Variants in ARHGAP35 observed in about 807,000 individuals in gnomAD.
ARHGAP35 encodes the protein rho GTPase-activating protein 35.
In ARHGAP35, 15 loss-of-function variants were observed where a neutral mutation model predicts 111.1. That is an observed-to-expected ratio of 0.13 (90% CI 0.09 to 0.21). ARHGAP35 has a LOEUF of 0.21. Among genes scored for constraint, ARHGAP35 ranks in the 10% least tolerant of loss-of-function variants. ARHGAP35 has a pLI of 1.00. For missense variants in ARHGAP35, 1,262 were observed against 1,873.0 expected, an observed-to-expected ratio of 0.67 and a Z score of 6.02; for synonymous variants, 643 against 710.3, an observed-to-expected ratio of 0.91 and a Z score of 1.51.
intron 3 of ARHGAP35, among the ~76,000 whole-genome samples, chr19:46,951,386 AC>A (rs2056412209): frequency 6.6e-6 from 1 of 152,078 alleles, no homozygotes; most frequent in Non-Finnish European, 1.5e-5. Context: ...CCAACTGAGT[AC>A]TTTTGAGGCA....
intron 3 of ARHGAP35, among the ~76,000 whole-genome samples, chr19:46,965,158 C>G (rs1178120481): frequency 6.6e-6 from 1 of 152,036 alleles, no homozygotes; most frequent in African/African-American, 2.4e-5. Context: ...ACTAAAAATA[C>G]AAAAATTAGC....
rs1284744816 is a variant in ARHGAP35, at chr19:46,922,059, C to T, written c.3384C>T (p.Asn1128=). ...GGAATATCAACAAAGCCCAGTCCAACGGCAGCGGGAATGGTTCTGACAGTG... is the reference window on the plus strand; with the variant it reads ...GGAATATCAACAAAGCCCAGTCCAATGGCAGCGGGAATGGTTCTGACAGTG... ...TIRNINKAQS[N]GSGNGSDSEM... is the part of the protein sequence containing the mutation. The change falls in exon 2 of 7, where the codon AAC becomes AAT. Residue 1128 remains asparagine, a synonymous_variant. Transcript: ENST00000672722. This position sits in a 1 kb window ranked among gnomAD's most constrained non-coding sequence, Gnocchi z 4.0. 11 of 1,614,042 alleles carry T rather than the reference C, an allele frequency of 6.8e-6. No homozygotes were observed. Among genetic ancestry groups the T allele is most frequent in the East Asian group, 2.2e-5 (1 of 44,886 alleles).
chr19:47,000,803 A>C lies in ARHGAP35; in HGVS notation c.*115A>C. The C allele has an allele frequency of 6.5e-7, 1 of 1,544,034 alleles. No homozygotes were observed. On this transcript the variant is annotated 3_prime_UTR_variant, in exon 7 of 7. Transcript: ENST00000672722. This position sits in a 1 kb window ranked among gnomAD's most constrained non-coding sequence, Gnocchi z 6.9. ...GAGGCAGGGGCAAGTGGCTCTCCCC[A>C]TTACCTTCTCAAGACCTCAGTGGGA...
Position 46,999,556 on chromosome 19 carries a change from C to T in ARHGAP35, c.4142+147C>T, listed in dbSNP as rs1382257340. ...GTGCTGGCTGGCCTCCCATGGTGCC[C>T]GCTGGTCTCGGTGCCCAGAGCCTCT... is the stretch of plus-strand genomic sequence containing the variant. On this transcript the variant is annotated intron_variant, in intron 6 of 6. Transcript: ENST00000672722. The surrounding 1 kb of genome is among the most constrained non-coding windows in gnomAD (Gnocchi z 5.4). 6.5e-6 allele frequency: 4 copies of T among 613,660 alleles called. No homozygotes were observed. The highest frequency in any genetic ancestry group is 1.9e-5 in the African/African-American group (1 of 53,986). The allele number at this position is 613,660 out of a possible 1,614,324, so 38.0% of individuals were successfully genotyped here.
At chr19:46,976,305 T>C (rs2056579653) in intron 3 of ARHGAP35, among the ~76,000 whole-genome samples, 1 of 147,346 alleles carries the variant, frequency 6.8e-6, no homozygotes, top group Admixed American at 6.8e-5. Flanking sequence ...ATTCCAGAAA[T>C]TCCCCATTGC....
intron 3 of ARHGAP35, among the ~76,000 whole-genome samples, chr19:46,963,697 CT>C (rs1443940192): frequency 6.6e-6 from 1 of 152,072 alleles, no homozygotes; most frequent in Non-Finnish European, 1.5e-5. Context: ...TCCCTGTCAC[CT>C]CGAAAGAGGA....
chr19:46,877,079 A>AT (rs1349240607), intron 1 of ARHGAP35, among the ~76,000 whole-genome samples: 1 of 148,512 alleles, frequency 6.7e-6, no homozygotes, highest in African/African-American at 2.5e-5. Context: ...GAGAAACCCC[A>AT]TCTCTACTAA....
At chr19:46,912,954 G>A (rs1240188262) in intron 1 of ARHGAP35, among the ~76,000 whole-genome samples, 2 of 151,996 alleles carry the variant, frequency 1.3e-5, no homozygotes, top group Non-Finnish European at 2.9e-5. Flanking sequence ...CTTTCTGTTA[G>A]TTACGATGTA....
chr19:46,922,002 T>C lies in ARHGAP35; in HGVS notation c.3327T>C (p.His1109=). 6.2e-7 allele frequency: 1 copy of C among 1,613,958 alleles called. No homozygotes were observed. Among genetic ancestry groups the C allele is most frequent in the Non-Finnish European group, 8.5e-7 (1 of 1,179,876 alleles). ...AAGAAAACATATACTCCGTGCCCCA[T>C]GACAGCACCCAAGGCAAAATCATCA... ...NEEENIYSVP[H]DSTQGKIITI... Residue 1109 remains histidine, a synonymous_variant, in exon 2 of 7, where the codon CAT becomes CAC. Transcript: ENST00000672722. This position sits in a 1 kb window ranked among gnomAD's most constrained non-coding sequence, Gnocchi z 4.0.
chr19:46,970,398 C>G (rs557158603), intron 3 of ARHGAP35, among the ~76,000 whole-genome samples: 1 of 152,282 alleles, frequency 6.6e-6, no homozygotes, highest in East Asian at 1.9e-4. Context: ...CCTGCAGTCT[C>G]TAACTTGAAG....
At chr19:46,977,759 G>A (rs893842391) in intron 3 of ARHGAP35, among the ~76,000 whole-genome samples, 28 of 152,316 alleles carry the variant, frequency 1.8e-4, no homozygotes, top group African/African-American at 6.7e-4. Context: ...CGGACTGCCC[G>A]GGTGTGAATC....
intron 1 of ARHGAP35, among the ~76,000 whole-genome samples, chr19:46,872,361 A>G (rs1036482591): frequency 4.6e-5 from 7 of 151,870 alleles, no homozygotes; most frequent in African/African-American, 1.7e-4. Context: ...CTTTTTTTTT[A>G]ATTTTCCCAA....
At chr19:46,962,609 TTTTG>T (rs772186607) in intron 3 of ARHGAP35, among the ~76,000 whole-genome samples, 5 of 152,332 alleles carry the variant, frequency 3.3e-5, no homozygotes, top group Middle Eastern at 6.8e-3. Flanking sequence ...CCTCTCATTC[TTTTG>T]TTTTTGTTTT....
At chr19:46,995,580 C>T (rs962710802) in intron 5 of ARHGAP35, among the ~76,000 whole-genome samples, 3 of 152,246 alleles carry the variant, frequency 2.0e-5, no homozygotes, top group Non-Finnish European at 4.4e-5. Flanking sequence ...TTTGCCATCA[C>T]CAGCCTTGTG....
chr19:46,898,775 A>AGCTGCTGCTGCTGCTGCTGCTGCT (rs112008743), intron 1 of ARHGAP35, among the ~76,000 whole-genome samples: 3 of 150,800 alleles, frequency 2.0e-5, no homozygotes, highest in South Asian at 4.2e-4. Flanking sequence ...TGCACAGATG[A>AGCTGCTGCTGCTGCTGCTGCTGCT]GCTGCTGCTG....
intron 1 of ARHGAP35, among the ~76,000 whole-genome samples, chr19:46,887,888 T>C (rs1229093103): frequency 6.6e-6 from 1 of 151,982 alleles, no homozygotes; most frequent in East Asian, 1.9e-4. Context: ...CCCACAGAAG[T>C]CAGTGTCTTG....
At chr19:46,880,161 T>A (rs546182658) in intron 1 of ARHGAP35, among the ~76,000 whole-genome samples, 16 of 152,044 alleles carry the variant, frequency 1.1e-4, no homozygotes, top group African/African-American at 3.6e-4. Context: ...TGGCTGGGCG[T>A]GTGGCTCACG....
chr19:46,970,542 G>T (rs542267665), intron 3 of ARHGAP35, among the ~76,000 whole-genome samples: 1 of 152,174 alleles, frequency 6.6e-6, no homozygotes. Flanking sequence ...GTGTACACTT[G>T]CCCTGTGGAT....
In ARHGAP35 at chr19:46,986,302, G is replaced by A. The variant is rs1712518682; in HGVS notation, c.3827-1687G>A. Among the ~76,000 whole-genome samples, 1 of 152,092 alleles carries A rather than the reference G, an allele frequency of 6.6e-6. No individual in the cohort carries two copies. Among genetic ancestry groups the A allele is most frequent in the Non-Finnish European group, 1.5e-5 (1 of 68,012 alleles). On this transcript the variant is annotated intron_variant, in intron 3 of 6. Coordinates refer to ENST00000672722, the MANE Select transcript of ARHGAP35 (RefSeq NM_004491.5). The surrounding 1 kb of genome is among the most constrained non-coding windows in gnomAD (Gnocchi z 4.3). ...AGCTGAACAGTGCTCCTCTGCCCACGGTAGGATGGGGAGGGAGTGGGAGCC... is the reference window on the plus strand; with the variant it reads ...AGCTGAACAGTGCTCCTCTGCCCACAGTAGGATGGGGAGGGAGTGGGAGCC...
Sources: gnomAD v4.1 joint callset for allele counts (sites outside exome capture counted in the v4.1 genomes callset) on GRCh38, gnomAD v4.1.1 for gene constraint, Gnocchi (gnomAD v3.1) non-coding constraint, MANE v1.5 for transcripts, NCBI Gene and HGNC (gene_info 2026-07-23, HGNC 2026-07-21) for gene names.